Variants in MYCBP2 observed in about 807,000 individuals in gnomAD.
MYCBP2 encodes the protein E3 ubiquitin-protein ligase MYCBP2.
In MYCBP2, 120 loss-of-function variants were observed where a neutral mutation model predicts 525.3. The ratio of observed to expected loss-of-function variants is 0.23; its 90% CI spans 0.20 to 0.27. MYCBP2 has a LOEUF of 0.27. MYCBP2 is among the 10% of genes least tolerant of loss of function. The pLI, the probability that MYCBP2 is intolerant of heterozygous loss-of-function variation, is 1.00. For missense variants in MYCBP2, 4,149 were observed against 5,657.1 expected, an observed-to-expected ratio of 0.73 and a Z score of 8.55; for synonymous variants, 1,894 against 1,955.8, an observed-to-expected ratio of 0.97 and a Z score of 0.83.
chr13:77,245,066 C>G lies in MYCBP2; in HGVS notation c.2382-1115G>C, dbSNP rs1029728521. 2.0e-5 allele frequency among the ~76,000 whole-genome samples: 3 copies of G among 152,276 alleles called. No homozygotes were observed. The South Asian group carries it at 6.2e-4, about 32-fold the overall frequency. ...AAAACCACAATGAGAAAACATGTCA[C>G]GCCAGTTACAATGGTGATCATTAAA... On this transcript the variant is annotated intron_variant, in intron 15 of 82. Transcript: ENST00000544440.
intron 76 of MYCBP2, among the ~76,000 whole-genome samples, chr13:77,060,527 T>C (rs2039089768): frequency 1.3e-5 from 2 of 152,228 alleles, no homozygotes; most frequent in African/African-American, 4.8e-5. Flanking sequence ...AACTGAGAAT[T>C]TGTAAGATTC....
chr13:77,270,582 G>T, intron 5 of MYCBP2, 44 bp from the exon 6 acceptor site: 1 of 1,531,162 alleles, frequency 6.5e-7, no homozygotes, highest in South Asian at 1.2e-5. Context: ...ATTTTTAAAT[G>T]TTACAAACAC....
intron 23 of MYCBP2, among the ~76,000 whole-genome samples, chr13:77,208,299 C>T (rs2154278401): frequency 6.6e-6 from 1 of 152,302 alleles, no homozygotes; most frequent in East Asian, 1.9e-4. Flanking sequence ...TTCAGACTTA[C>T]CTCAGTCATT....
chr13:77,270,154 T>G (rs942385878), intron 6 of MYCBP2, 91 bp from the exon 7 acceptor site: 3 of 1,427,060 alleles, frequency 2.1e-6, no homozygotes, highest in South Asian at 2.6e-5. Context: ...ATTTAATGCA[T>G]GTATTTCAAT....
At position 77,055,704 on chromosome 13, in the gene MYCBP2, C is replaced by A. The variant is rs748308347; in HGVS notation, c.13501G>T (p.Val4501Phe). The A allele has an allele frequency of 6.2e-7, 1 of 1,613,988 alleles. No homozygotes were observed. The highest frequency in any genetic ancestry group is 2.2e-5 in the East Asian group (1 of 44,858). The change falls in exon 80 of 83, where the codon GTC (valine) becomes TTC (phenylalanine). Residue 4501 changes from valine to phenylalanine, a missense_variant. Physicochemically the swap from Val to Phe is conservative, Grantham distance 50. Around this residue, in one of 21 missense-constraint regions of MYCBP2, gnomAD observed 220 missense variants for 396.0 expected, o/e 0.56. Coordinates refer to ENST00000544440, the MANE Select transcript of MYCBP2 (RefSeq NM_015057.5). ...LDPIKELYED[V>F]RRKALMRLEY... ...AATCTCATTAAGGCTTTTCTTCTGA[C>A]ATCCTCATAGAGTTCTTTTATTGGA...
intron 1 of MYCBP2, among the ~76,000 whole-genome samples, chr13:77,317,002 T>G (rs926474773): frequency 2.0e-5 from 3 of 151,730 alleles, no homozygotes; most frequent in African/African-American, 7.3e-5. Flanking sequence ...CAGGCTGGAG[T>G]GCAGTGGCGC....
chr13:77,199,414 G>GC (rs1267338223), intron 26 of MYCBP2, among the ~76,000 whole-genome samples: 1 of 152,248 alleles, frequency 6.6e-6, no homozygotes, highest in African/African-American at 2.4e-5. Context: ...CTCGCTGATT[G>GC]CTAGCACAGC....
At chr13:77,152,911 A>G (rs1322363834) in intron 46 of MYCBP2, among the ~76,000 whole-genome samples, 2 of 151,926 alleles carry the variant, frequency 1.3e-5, no homozygotes, top group Admixed American at 1.3e-4. Context: ...TAAAAATACA[A>G]AAAATTAGCC....
Position 77,059,576 on chromosome 13 carries a change from T to C in MYCBP2, c.13087A>G (p.Ser4363Gly). ...SEACRFCGSR[S>G]GTELSAVGSV... The stretch of plus-strand genomic sequence containing the variant: ...CCAACAGCAGATAACTCTGTTCCAC[T>C]CCTGGAACCACAGAAGCGACATGCT... The change falls in exon 77 of 83, where the codon AGT (serine) becomes GGT (glycine). Residue 4363 changes from serine (S) to glycine (G), a missense_variant. Coordinates refer to ENST00000544440, the MANE Select transcript of MYCBP2 (RefSeq NM_015057.5). 2.5e-6 allele frequency: 4 copies of C among 1,614,148 alleles called. No individual in the cohort carries two copies. The highest frequency in any genetic ancestry group is 3.4e-6 in the Non-Finnish European group (4 of 1,179,984).
chr13:77,054,025 CAT>C (rs1450973367), intron 80 of MYCBP2, among the ~76,000 whole-genome samples: 1 of 152,078 alleles, frequency 6.6e-6, no homozygotes, highest in Non-Finnish European at 1.5e-5. Flanking sequence ...ATACCAAAAT[CAT>C]GTGGTGGTGG....
At chr13:77,146,505 GA>G (rs2055588747) in intron 47 of MYCBP2, among the ~76,000 whole-genome samples, 1 of 151,330 alleles carries the variant, frequency 6.6e-6, no homozygotes, top group African/African-American at 2.4e-5. Flanking sequence ...ATACTATACA[GA>G]AAGGAAAAGC....
At chr13:77,172,782 A>G (rs1158146213) in intron 37 of MYCBP2, among the ~76,000 whole-genome samples, 1 of 152,234 alleles carries the variant, frequency 6.6e-6, no homozygotes, top group African/African-American at 2.4e-5. Context: ...GATGTCTACT[A>G]GCCAACTATA....
intron 21 of MYCBP2, among the ~76,000 whole-genome samples, chr13:77,213,753 G>C (rs773890638): frequency 6.6e-6 from 1 of 152,216 alleles, no homozygotes; most frequent in African/African-American, 2.4e-5. Context: ...ATGACTGTCT[G>C]ACGTCAAATC....
chr13:77,211,912 AAGACAAG>A (rs777165953), intron 22 of MYCBP2, 37 bp downstream of exon 22: 1 of 1,457,482 alleles, frequency 6.9e-7, no homozygotes, highest in Admixed American at 1.7e-5. Flanking sequence ...ACTATCAATC[AAGACAAG>A]AGTTTGGAAG....
chr13:77,216,235 C>T (rs972932659), intron 21 of MYCBP2, among the ~76,000 whole-genome samples: 1 of 152,002 alleles, frequency 6.6e-6, no homozygotes, highest in Non-Finnish European at 1.5e-5. Flanking sequence ...AATACAAATA[C>T]CTGAGTCTAT....
chr13:77,081,634 C>G lies in MYCBP2; in HGVS notation c.11211G>C (p.Met3737Ile), dbSNP rs145021130. The G allele has an allele frequency of 7.3e-5, 117 of 1,609,098 alleles. No homozygotes were observed. Among genetic ancestry groups the G allele is most frequent in the Middle Eastern group, 1.7e-4 (1 of 5,814 alleles). Residue 3737 changes from methionine to isoleucine, a missense_variant, in exon 65 of 83, where the codon ATG becomes ATC. Around this residue, in one of 21 missense-constraint regions of MYCBP2, gnomAD observed 509 missense variants for 789.4 expected, o/e 0.64. Transcript: ENST00000544440. This position sits in a 1 kb window ranked among gnomAD's most constrained non-coding sequence, Gnocchi z 4.6. ...CAATGCTGGTTAAGTCCTTTAAGCA[C>G]ATTACTATGCATAATTCCTATCAGA... ...EAMSQELCIV[M>I]CLKDLTSIVD...
chr13:77,125,274 G>A, intron 54 of MYCBP2, 62 bp downstream of exon 54: 1 of 1,573,486 alleles, frequency 6.4e-7, no homozygotes, highest in Non-Finnish European at 8.7e-7. Context: ...CAATACAATA[G>A]GCATTAAACT....
At chr13:77,099,197 T>C (rs1323101342) in intron 55 of MYCBP2, 184 bp from the exon 56 acceptor site, 2 of 787,730 alleles carry the variant, frequency 2.5e-6, no homozygotes, top group Non-Finnish European at 3.9e-6. Context: ...CTACACATCA[T>C]TACACAACAT....
intron 3 of MYCBP2, 79 bp downstream of exon 3, chr13:77,288,082 T>A: frequency 1.5e-6 from 2 of 1,342,854 alleles, no homozygotes; most frequent in Middle Eastern, 3.7e-4. Flanking sequence ...CAAAGTATTT[T>A]AGCAATGCGT....
Sources: gnomAD v4.1 joint callset for allele counts (sites outside exome capture counted in the v4.1 genomes callset) on GRCh38, gnomAD v4.1.1 for gene constraint, gnomAD v4.1.1 regional missense constraint, Gnocchi (gnomAD v3.1) non-coding constraint, MANE v1.5 for transcripts, NCBI Gene and HGNC (gene_info 2026-07-23, HGNC 2026-07-21) for gene names.